The following KIRREL3 variants were observed in gnomAD, a reference collection of about 807,000 sequenced individuals.
The protein encoded by KIRREL3 is kirre like nephrin family adhesion molecule 3, also known as kin of IRRE-like protein 3.
A neutral mutation model predicts 89.7 loss-of-function variants in KIRREL3; 36 were observed. That is an observed-to-expected ratio of 0.40 (90% CI 0.31 to 0.53). The LOEUF (loss-of-function observed/expected upper bound fraction) is 0.53, where lower values mean the gene tolerates loss of function less well. Ranked by LOEUF, KIRREL3 falls within the 20% of genes least tolerant of loss-of-function variation. The pLI, the probability that KIRREL3 is intolerant of heterozygous loss-of-function variation, is 0.49. For synonymous variants in KIRREL3, 445 were observed against 441.4 expected (o/e 1.01, Z -0.10); for missense variants, 864 against 1,056.6 (o/e 0.82, Z 2.53).
Position 126,558,704 on chromosome 11 carries a change from A to C in KIRREL3, c.133+4131T>G, listed in dbSNP as rs1454996570. Among the ~76,000 whole-genome samples the C allele has an allele frequency of 6.6e-6, 1 of 152,058 alleles. No individual in the cohort carries two copies. The highest frequency in any genetic ancestry group is 2.4e-5 in the African/African-American group (1 of 41,398). On this transcript the variant is annotated intron_variant, in intron 2 of 16. Coordinates refer to ENST00000525144, the MANE Select transcript of KIRREL3 (RefSeq NM_032531.4). The surrounding 1 kb of genome is among the most constrained non-coding windows in gnomAD (Gnocchi z 4.0). ...GTGACAGCCTTCTACTCTGCCTGGGAATAGGATCAGGTCTGGGGAAGCCAT... is the reference window on the plus strand; with the variant it reads ...GTGACAGCCTTCTACTCTGCCTGGGCATAGGATCAGGTCTGGGGAAGCCAT...
intron 1 of KIRREL3, among the ~76,000 whole-genome samples, chr11:126,654,581 T>G (rs1358014464): frequency 1.3e-5 from 2 of 152,096 alleles, no homozygotes; most frequent in Admixed American, 6.6e-5. Context: ...TTCAGATAGA[T>G]GTCCTTCCCT....
intron 1 of KIRREL3, among the ~76,000 whole-genome samples, chr11:126,853,113 C>T (rs997751764): frequency 6.6e-6 from 1 of 151,946 alleles, no homozygotes; most frequent in Non-Finnish European, 1.5e-5. Flanking sequence ...TTCCTTTTTC[C>T]AAATGCTATC....
chr11:126,978,109 A>T lies in KIRREL3; in HGVS notation c.55+22346T>A, dbSNP rs1949630868. Reference sequence around the variant, plus strand: ...GCCTGTGGCCACAAGCCCCAGGGATAATGGTCAGCACATTGTGGCGTTGGA... The same window carrying T: ...GCCTGTGGCCACAAGCCCCAGGGATTATGGTCAGCACATTGTGGCGTTGGA... On this transcript the variant is annotated intron_variant, in intron 1 of 16. Coordinates refer to ENST00000525144, the MANE Select transcript of KIRREL3 (RefSeq NM_032531.4). This position sits in a 1 kb window ranked among gnomAD's most constrained non-coding sequence, Gnocchi z 4.2. 2.0e-5 allele frequency among the ~76,000 whole-genome samples: 3 copies of T among 152,186 alleles called. No homozygotes were observed. Among genetic ancestry groups the T allele is most frequent in the Admixed American group, 2.0e-4 (3 of 15,278 alleles).
intron 7 of KIRREL3, among the ~76,000 whole-genome samples, chr11:126,456,108 C>T (rs1405654968): frequency 2.3e-5 from 3 of 130,086 alleles, no homozygotes; most frequent in Non-Finnish European, 1.5e-5. Context: ...GCTATTCAAG[C>T]AGAAGCCGTG....
At position 126,990,517 on chromosome 11, in the gene KIRREL3, TG is replaced by T. The variant is rs970089921; in HGVS notation, c.55+9937del. On this transcript the variant is annotated intron_variant, in intron 1 of 16. Transcript: ENST00000525144. This position sits in a 1 kb window ranked among gnomAD's most constrained non-coding sequence, Gnocchi z 6.3. The stretch of plus-strand genomic sequence containing the variant: ...GGGACCTCCCGGGCTCTGCTCTCTC[TG>T]GGCAGGTTCAGGGCTTTGCAAGCGC... 6.6e-6 allele frequency among the ~76,000 whole-genome samples: 1 copy of T among 152,094 alleles called. No homozygotes were observed. Among genetic ancestry groups the T allele is most frequent in the Admixed American group, 6.5e-5 (1 of 15,280 alleles).
chr11:126,443,147 C>T lies in KIRREL3; in HGVS notation c.1252+1832G>A, dbSNP rs575035070. ...TTATCCACCTGCTTTTCCCCAGAAA[C>T]GCCAATGCTCATTTGATGCTCCAGG... On this transcript the variant is annotated intron_variant, in intron 10 of 16. Coordinates refer to ENST00000525144, the MANE Select transcript of KIRREL3 (RefSeq NM_032531.4). This position sits in a 1 kb window ranked among gnomAD's most constrained non-coding sequence, Gnocchi z 7.3. Among the ~76,000 whole-genome samples the T allele has an allele frequency of 2.6e-5, 4 of 152,336 alleles. No individual in the cohort carries two copies. Among genetic ancestry groups the T allele is most frequent in the South Asian group, 2.1e-4 (1 of 4,828 alleles).
At position 126,564,790 on chromosome 11, in the gene KIRREL3, C is replaced by A. The variant is rs1052018596; in HGVS notation, c.56-1878G>T. Among the ~76,000 whole-genome samples the A allele has an allele frequency of 2.0e-5, 3 of 152,130 alleles. No homozygotes were observed. Among genetic ancestry groups the A allele is most frequent in the Non-Finnish European group, 4.4e-5 (3 of 68,020 alleles). ...AGGAATGCAGCCTTCCAGGAGGGGG[C>A]CAGTGGAAGTACAAGCTGCGAGGAG... On this transcript the variant is annotated intron_variant, in intron 1 of 16. Transcript: ENST00000525144. This position sits in a 1 kb window ranked among gnomAD's most constrained non-coding sequence, Gnocchi z 7.4.
intron 1 of KIRREL3, among the ~76,000 whole-genome samples, chr11:126,819,451 G>A (rs1349017687): frequency 6.6e-6 from 1 of 152,204 alleles, no homozygotes; most frequent in Admixed American, 6.5e-5. Context: ...GCAGGAGTGG[G>A]CAGGGCCATT....
At chr11:126,503,781 C>T (rs781026007) in intron 4 of KIRREL3, among the ~76,000 whole-genome samples, 12 of 150,346 alleles carry the variant, frequency 8.0e-5, no homozygotes, top group Non-Finnish European at 1.6e-4. Flanking sequence ...CTCCCTCTTT[C>T]CCTCCCTCTC....
rs1003260465 is a variant in KIRREL3, at chr11:126,854,956, G to C, written c.55+145499C>G. 5.3e-5 allele frequency among the ~76,000 whole-genome samples: 8 copies of C among 152,128 alleles called. No homozygotes were observed. In the East Asian group the frequency reaches 7.7e-4, roughly 15 times the overall value. On this transcript the variant is annotated intron_variant, in intron 1 of 16. Coordinates refer to ENST00000525144, the MANE Select transcript of KIRREL3 (RefSeq NM_032531.4). ...CCTTCACAGATATAGATTCACCCTT[G>C]TCTCTAAGTCGTGGCTGTGGTACAG...
At chr11:126,599,383 G>T (rs975112179) in intron 1 of KIRREL3, among the ~76,000 whole-genome samples, 2 of 152,112 alleles carry the variant, frequency 1.3e-5, no homozygotes, top group African/African-American at 2.4e-5. Flanking sequence ...CTATTCCATT[G>T]CCTGACTCTT....
intron 1 of KIRREL3, among the ~76,000 whole-genome samples, chr11:126,816,935 G>A (rs1680707999): frequency 6.6e-6 from 1 of 152,196 alleles, no homozygotes; most frequent in South Asian, 2.1e-4. Context: ...CACCTCAGAG[G>A]AACAGCTGAG....
intron 1 of KIRREL3, among the ~76,000 whole-genome samples, chr11:126,731,470 G>A (rs1948614747): frequency 2.0e-5 from 3 of 152,218 alleles, no homozygotes; most frequent in South Asian, 2.1e-4. Context: ...CAGCTTGTAC[G>A]TATTCTCATG....
At position 126,486,924 on chromosome 11, in the gene KIRREL3, T is replaced by C. The variant is rs867623568; in HGVS notation, c.434-13458A>G. On this transcript the variant is annotated intron_variant, in intron 4 of 16. Transcript: ENST00000525144. This position sits in a 1 kb window ranked among gnomAD's most constrained non-coding sequence, Gnocchi z 6.2. ...CTGGTCCCATAAATAGAAGCAGAAC[T>C]GATATAGTTGGTTTTGCTATGGGCT... Among the ~76,000 whole-genome samples, 1 of 152,064 alleles carries C rather than the reference T, an allele frequency of 6.6e-6. No homozygotes were observed. Among genetic ancestry groups the C allele is most frequent in the African/African-American group, 2.4e-5 (1 of 41,392 alleles).
rs1947021420 is a variant in KIRREL3, at chr11:126,694,764, A to G, written c.56-131852T>C. 6.6e-6 allele frequency among the ~76,000 whole-genome samples: 1 copy of G among 152,238 alleles called. No homozygotes were observed. Among genetic ancestry groups the G allele is most frequent in the South Asian group, 2.1e-4 (1 of 4,826 alleles). ...TAATAATGATGATGGAATTCATTAT[A>G]TATATGAGAGTGCTTACTCAGTATC... On this transcript the variant is annotated intron_variant, in intron 1 of 16. Transcript: ENST00000525144. The surrounding 1 kb of genome is among the most constrained non-coding windows in gnomAD (Gnocchi z 4.4).
At chr11:126,650,219 C>T (rs529800850) in intron 1 of KIRREL3, among the ~76,000 whole-genome samples, 99 of 152,356 alleles carry the variant, frequency 6.5e-4, no homozygotes, top group Non-Finnish European at 4.4e-4. Context: ...AGGGCTGCCA[C>T]GAAAACCTCT....
At position 126,783,552 on chromosome 11, in the gene KIRREL3, T is replaced by G. The variant is rs1170336039; in HGVS notation, c.55+216903A>C. ...CTGTCAAAGGGACACAGAAGCCAACTGAAAGAGCTCCCATTGACCAAAGAT... is the reference window on the plus strand; with the variant it reads ...CTGTCAAAGGGACACAGAAGCCAACGGAAAGAGCTCCCATTGACCAAAGAT... On this transcript the variant is annotated intron_variant, in intron 1 of 16. Coordinates refer to ENST00000525144, the MANE Select transcript of KIRREL3 (RefSeq NM_032531.4). The surrounding 1 kb of genome is among the most constrained non-coding windows in gnomAD (Gnocchi z 4.3). Among the ~76,000 whole-genome samples, 2 of 152,208 alleles carry G rather than the reference T, an allele frequency of 1.3e-5. No individual in the cohort carries two copies. Among genetic ancestry groups the G allele is most frequent in the Non-Finnish European group, 2.9e-5 (2 of 68,040 alleles).
chr11:126,865,826 G>A (rs556764832), intron 1 of KIRREL3, among the ~76,000 whole-genome samples: 3 of 152,260 alleles, frequency 2.0e-5, no homozygotes, highest in South Asian at 2.1e-4. Context: ...GAGAGCTAGA[G>A]AAAAATACTT....
intron 5 of KIRREL3, among the ~76,000 whole-genome samples, chr11:126,466,208 G>C (rs1956720510): frequency 6.6e-6 from 1 of 152,222 alleles, no homozygotes; most frequent in Non-Finnish European, 1.5e-5. Flanking sequence ...GCTTTTCTGG[G>C]AAATAAAAAT....
Sources: gnomAD v4.1 joint callset for allele counts (sites outside exome capture counted in the v4.1 genomes callset) on GRCh38, gnomAD v4.1.1 for gene constraint, Gnocchi (gnomAD v3.1) non-coding constraint, MANE v1.5 for transcripts, NCBI Gene and HGNC (gene_info 2026-07-23, HGNC 2026-07-21) for gene names.